CHD2: variants seen among roughly 807,000 people sequenced by gnomAD.
The protein encoded by CHD2 is ATP-dependent chromatin remodeler CHD2.
CHD2 carries 28 observed loss-of-function variants against 243.9 expected under a neutral mutation model. The observed-to-expected ratio is 0.11, with a 90% CI of 0.09 to 0.16. The LOEUF (loss-of-function observed/expected upper bound fraction) is 0.16, where lower values mean the gene tolerates loss of function less well. CHD2 is among the 10% of genes least tolerant of loss of function. The pLI is 1.00. For synonymous variants in CHD2, 775 were observed against 779.0 expected, an observed-to-expected ratio of 0.99 and a Z score of 0.09; for missense variants, 1,386 against 2,209.8, an observed-to-expected ratio of 0.63 and a Z score of 7.47.
rs533359140 is a variant in CHD2, at chr15:92,980,921, A to G, written c.2973+10A>G. On this transcript the variant is annotated intron_variant, in intron 23 of 38. Transcript: ENST00000394196. ...GGAATCAGAACCTCAGGTAATTAAC[A>G]ATGAGGAGAGGGAAATTTTTTTGAG... 1.3e-6 allele frequency: 2 copies of G among 1,594,978 alleles called. No individual in the cohort carries two copies. The highest frequency in any genetic ancestry group is 1.3e-5 in the African/African-American group (1 of 74,608).
intron 2 of CHD2, among the ~76,000 whole-genome samples, chr15:92,913,112 T>TA (rs984648622): frequency 6.6e-6 from 1 of 152,220 alleles, no homozygotes; most frequent in East Asian, 1.9e-4. Context: ...GCTTGAAAGT[T>TA]AAAAAATTCA....
chr15:92,985,427 C>T lies in CHD2; in HGVS notation c.3238-71C>T, dbSNP rs2054029985. 2.8e-6 allele frequency: 4 copies of T among 1,419,376 alleles called. No individual in the cohort carries two copies. The South Asian group carries it at 5.7e-5, about 20-fold the overall frequency. 87.9% of individuals were successfully genotyped at this position (1,419,376 alleles called of 1,614,324 possible). On this transcript the variant is annotated intron_variant, in intron 25 of 38. Coordinates refer to ENST00000394196, the MANE Select transcript of CHD2 (RefSeq NM_001271.4). ...TCTGAATACTAAAGAATTAAGATGG[C>T]CTTCTCTTAGTCCTTTCACCACTTG...
chr15:92,953,289 T>C, intron 13 of CHD2, 68 bp from the exon 14 acceptor site: 2 of 1,315,104 alleles, frequency 1.5e-6, no homozygotes, highest in South Asian at 2.5e-5. Context: ...GTCGTTGCTG[T>C]TTATGCACAT....
rs1465097618 is a variant in CHD2, at chr15:92,998,316, G to C, written c.3886-183G>C. On this transcript the variant is annotated intron_variant, in intron 30 of 38. Transcript: ENST00000394196. The surrounding 1 kb of genome is among the most constrained non-coding windows in gnomAD (Gnocchi z 5.1). Reference sequence around the variant, plus strand: ...CCATCCCATTTTGTAAAATGAGAACGGCTCGTGAGGGATTTTCAGTGACTG... The same window carrying C: ...CCATCCCATTTTGTAAAATGAGAACCGCTCGTGAGGGATTTTCAGTGACTG... 2 of 1,321,834 alleles carry C rather than the reference G, an allele frequency of 1.5e-6. No individual in the cohort carries two copies. The highest frequency in any genetic ancestry group is 1.7e-5 in the South Asian group (1 of 58,370). 81.9% of individuals were successfully genotyped at this position (1,321,834 alleles called of 1,614,324 possible). A position where few individuals can be genotyped will look rare whatever the true frequency, so the allele number is the denominator to read the frequency against.
intron 2 of CHD2, chr15:92,901,862 C>G (rs2052533446): frequency 3.6e-6 from 1 of 276,554 alleles, no homozygotes; most frequent in Non-Finnish European, 6.6e-6. Flanking sequence ...TTTTATGTGA[C>G]TTTATATTTC....
intron 2 of CHD2, 88 bp from the exon 3 acceptor site, chr15:92,924,233 C>A: frequency 8.8e-7 from 1 of 1,137,286 alleles, no homozygotes; most frequent in Non-Finnish European, 1.3e-6. Flanking sequence ...TTACTATCTG[C>A]AAATGTTTTA....
intron 13 of CHD2, 59 bp from the exon 14 acceptor site, chr15:92,953,298 A>G: frequency 7.0e-7 from 1 of 1,419,924 alleles, no homozygotes; most frequent in Non-Finnish European, 9.9e-7. Flanking sequence ...GTTTATGCAC[A>G]TTCTGTGTTT....
rs543526502 is a variant in CHD2, at chr15:93,009,315, C to A, written c.4584C>A (p.Leu1528=). The change falls in exon 35 of 39, where the codon CTC becomes CTA. Residue 1528 remains leucine (L), a synonymous_variant. Coordinates refer to ENST00000394196, the MANE Select transcript of CHD2 (RefSeq NM_001271.4). ...KAYSDQEHIK[L]WRRNLWIFVS... The stretch of plus-strand genomic sequence containing the variant: ...ACTCAGATCAGGAGCACATCAAACT[C>A]TGGAGGAGGTAACCACTTTGGCCTC... 1 of 1,613,914 alleles carries A rather than the reference C, an allele frequency of 6.2e-7. No homozygotes were observed. Among genetic ancestry groups the A allele is most frequent in the Admixed American group, 1.7e-5 (1 of 60,010 alleles).
chr15:93,008,665 T>C (rs1284424435), intron 34 of CHD2, among the ~76,000 whole-genome samples: 1 of 152,188 alleles, frequency 6.6e-6, no homozygotes, highest in Non-Finnish European at 1.5e-5. Context: ...ACCATTGTTT[T>C]AGTGGGATTG....
At chr15:92,964,555 A>G (rs1378856774) in intron 16 of CHD2, among the ~76,000 whole-genome samples, 3 of 152,204 alleles carry the variant, frequency 2.0e-5, no homozygotes, top group Non-Finnish European at 4.4e-5. Flanking sequence ...GTTACAGGCT[A>G]TTGTTTCAAA....
chr15:92,934,995 T>C (rs994093360), intron 5 of CHD2, among the ~76,000 whole-genome samples: 3 of 151,986 alleles, frequency 2.0e-5, no homozygotes, highest in East Asian at 1.9e-4. Context: ...AGGAGAACTT[T>C]GGACTAGTTG....
intron 35 of CHD2, among the ~76,000 whole-genome samples, chr15:93,010,819 A>G (rs1003939230): frequency 4.6e-5 from 7 of 152,204 alleles, no homozygotes; most frequent in South Asian, 2.1e-4. Context: ...CAGAGGGTAC[A>G]TGTGCTTGTT....
intron 33 of CHD2, 147 bp from the exon 34 acceptor site, chr15:93,004,470 A>T: frequency 1.5e-6 from 1 of 665,858 alleles, no homozygotes; most frequent in African/African-American, 1.8e-5. Flanking sequence ...TGTCTTCATG[A>T]TGTTTCAGGA....
At chr15:92,902,367 A>G (rs2141698713) in intron 2 of CHD2, 1 of 389,042 alleles carries the variant, frequency 2.6e-6, no homozygotes, top group South Asian at 1.4e-4. Flanking sequence ...TTCTTTATGC[A>G]TTTTCATATT....
intron 2 of CHD2, among the ~76,000 whole-genome samples, chr15:92,911,042 C>T (rs1363774151): frequency 6.6e-6 from 1 of 152,200 alleles, no homozygotes; most frequent in Non-Finnish European, 1.5e-5. Flanking sequence ...TACAGTATTA[C>T]AGTCTTATGG....
intron 5 of CHD2, among the ~76,000 whole-genome samples, chr15:92,930,469 G>C (rs2053146054): frequency 6.6e-6 from 1 of 152,074 alleles, no homozygotes; most frequent in Non-Finnish European, 1.5e-5. Context: ...GTCTCACTCT[G>C]TTGCTCAGGC....
At chr15:93,009,367 G>A (rs754817540) in intron 35 of CHD2, 44 bp downstream of exon 35, 8 of 1,563,940 alleles carry the variant, frequency 5.1e-6, no homozygotes, top group Admixed American at 3.7e-5. Context: ...TTGACTGAGT[G>A]TGGGAGTGGA....
chr15:92,907,627 T>C (rs1165700529), intron 2 of CHD2, among the ~76,000 whole-genome samples: 4 of 152,228 alleles, frequency 2.6e-5, no homozygotes, highest in African/African-American at 7.2e-5. Flanking sequence ...GAAGCACTTA[T>C]GATTGGACTT....
intron 2 of CHD2, 61 bp from the exon 3 acceptor site, chr15:92,924,244 CCATGAGAATTTTTTTT>C: frequency 7.7e-7 from 1 of 1,295,300 alleles, no homozygotes; most frequent in African/African-American, 1.5e-5. Context: ...AAATGTTTTA[CCATGAGAATTTTTTTT>C]TAAGCAGATT....
Sources: gnomAD v4.1 joint callset for allele counts (sites outside exome capture counted in the v4.1 genomes callset) on GRCh38, gnomAD v4.1.1 for gene constraint, Gnocchi (gnomAD v3.1) non-coding constraint, MANE v1.5 for transcripts, NCBI Gene and HGNC (gene_info 2026-07-23, HGNC 2026-07-21) for gene names.